SHQ1: variants seen among roughly 807,000 people sequenced by gnomAD.
SHQ1 encodes SHQ1, H/ACA ribonucleoprotein assembly factor.
A neutral mutation model predicts 53.8 loss-of-function variants in SHQ1; 49 were observed. The ratio of observed to expected loss-of-function variants is 0.91; its 90% CI spans 0.72 to 1.16. SHQ1 has a LOEUF of 1.16. Ranked by LOEUF, SHQ1 falls within the 50% of genes most tolerant of loss-of-function variation. The pLI, the probability that SHQ1 is intolerant of heterozygous loss-of-function variation, is 0.00. For synonymous variants in SHQ1, 243 were observed against 251.0 expected (o/e 0.97, Z 0.30); for missense variants, 738 against 683.1 (o/e 1.08, Z -0.90).
chr3:72,813,803 G>C (rs1468370222), intron 8 of SHQ1, among the ~76,000 whole-genome samples: 1 of 141,592 alleles, frequency 7.1e-6, no homozygotes, highest in Admixed American at 7.0e-5. Context: ...CTTTAGTAAA[G>C]TATGTTCAGT....
chr3:72,811,454 T>G (rs1707121176), intron 9 of SHQ1, among the ~76,000 whole-genome samples: 2 of 152,136 alleles, frequency 1.3e-5, no homozygotes, highest in Non-Finnish European at 2.9e-5. Flanking sequence ...AAATAACACA[T>G]GAAAAAACAA....
chr3:72,786,631 T>C (rs1380686735), intron 10 of SHQ1, among the ~76,000 whole-genome samples: 6 of 152,328 alleles, frequency 3.9e-5, no homozygotes, highest in East Asian at 1.9e-4. Flanking sequence ...TGTGTCCTCT[T>C]AGATGCTTCC....
At position 72,832,376 on chromosome 3, in the gene SHQ1, G is replaced by C. The variant is rs1487401013; in HGVS notation, c.592C>G (p.His198Asp). 5.6e-6 allele frequency: 9 copies of C among 1,607,134 alleles called. No individual in the cohort carries two copies. The highest frequency in any genetic ancestry group is 6.8e-6 in the Non-Finnish European group (8 of 1,175,886). ...AAAAATCTCATTACTCACAGATAATGATCAGGATCAAACTTGGCCAGCTCA... is the reference window on the plus strand; with the variant it reads ...AAAAATCTCATTACTCACAGATAATCATCAGGATCAAACTTGGCCAGCTCA... Reference protein sequence around the residue: ...AAELAKFDPDHYLADFFEDEA... With the variant: ...AAELAKFDPDDYLADFFEDEA... Residue 198 changes from histidine to aspartate, a missense_variant, in exon 5 of 11, where the codon CAT becomes GAT. Physicochemically the swap from His to Asp is moderately conservative, Grantham distance 81. Transcript: ENST00000325599.
At chr3:72,778,253 T>C (rs191669669) in intron 10 of SHQ1, among the ~76,000 whole-genome samples, 1 of 152,152 alleles carries the variant, frequency 6.6e-6, no homozygotes, top group Non-Finnish European at 1.5e-5. Flanking sequence ...TTGAGCCCAG[T>C]TGTTCAACCA....
At chr3:72,779,393 T>C (rs777046217) in intron 10 of SHQ1, among the ~76,000 whole-genome samples, 16 of 152,100 alleles carry the variant, frequency 1.1e-4, no homozygotes, top group Non-Finnish European at 2.2e-4. Flanking sequence ...GGATCCTCCT[T>C]CTCCTCCTAA....
intron 10 of SHQ1, chr3:72,773,430 A>G: frequency 2.4e-6 from 1 of 413,396 alleles, no homozygotes; most frequent in Non-Finnish European, 4.7e-6. Context: ...TGAAATCCCC[A>G]TCACCAAAAT....
chr3:72,744,065 G>T, the SHQ1 span, among the ~76,000 whole-genome samples: 1 of 152,184 alleles, frequency 6.6e-6, no homozygotes, highest in East Asian at 1.9e-4. Context: ...GCAATATTTT[G>T]TATTATGGGC....
At chr3:72,795,530 T>C (rs543313592) in intron 9 of SHQ1, 1 of 152,210 alleles carries the variant, frequency 6.6e-6, no homozygotes, top group African/African-American at 2.4e-5. Flanking sequence ...TAAGAATGTT[T>C]TGAAGTTTTA....
At chr3:72,801,010 T>A (rs747483351) in intron 9 of SHQ1, among the ~76,000 whole-genome samples, 1 of 152,206 alleles carries the variant, frequency 6.6e-6, no homozygotes, top group Non-Finnish European at 1.5e-5. Flanking sequence ...TTAAGTAACT[T>A]GTCAAAACAG....
chr3:72,792,213 C>T (rs1417175619), intron 10 of SHQ1, among the ~76,000 whole-genome samples: 2 of 152,166 alleles, frequency 1.3e-5, no homozygotes, highest in African/African-American at 4.8e-5. Context: ...CATGAATGCA[C>T]ATACATCTAC....
intron 10 of SHQ1, among the ~76,000 whole-genome samples, chr3:72,766,926 G>A (rs1035747032): frequency 6.6e-6 from 1 of 152,122 alleles, no homozygotes; most frequent in Non-Finnish European, 1.5e-5. Flanking sequence ...CATTCAGAAT[G>A]TCAGCTTGAC....
chr3:72,807,073 T>G (rs912918911), intron 9 of SHQ1, among the ~76,000 whole-genome samples: 2 of 152,154 alleles, frequency 1.3e-5, no homozygotes, highest in Non-Finnish European at 2.9e-5. Context: ...GTTGAACAAA[T>G]CAATGAATAA....
At chr3:72,747,647 G>A (rs1427810351), downstream of SHQ1, among the ~76,000 whole-genome samples, 3 of 152,144 alleles carry the variant, frequency 2.0e-5, no homozygotes, top group Non-Finnish European at 4.4e-5. Context: ...AGAGAACGCT[G>A]GATATCTGGA....
At chr3:72,830,913 T>C (rs531733173) in intron 5 of SHQ1, among the ~76,000 whole-genome samples, 15 of 152,344 alleles carry the variant, frequency 9.8e-5, no homozygotes, top group African/African-American at 3.1e-4. Flanking sequence ...GTTATTCTTC[T>C]AGTTTTAGAA....
rs747791672 is a variant in SHQ1 at position 72,842,331 on chromosome 3, G to A, written c.280C>T (p.Leu94Phe). The A allele has an allele frequency of 2.5e-6, 4 of 1,613,924 alleles. No individual in the cohort carries two copies. The highest frequency in any genetic ancestry group is 3.4e-6 in the Non-Finnish European group (4 of 1,179,884). Residue 94 changes from leucine (L) to phenylalanine (F), a missense_variant, in exon 3 of 11, where the codon CTT becomes TTT. Leu to Phe is a conservative substitution (Grantham distance 22). Coordinates refer to ENST00000325599, the MANE Select transcript of SHQ1 (RefSeq NM_018130.3). ...HFEGLNMLTA[L>F]LAPRKSRTAK... ...GTCCTGGATTTTCTTGGTGCCAGAA[G>A]AGCAGTTAACATGTTCAGCCCCTCA...
intron 9 of SHQ1, among the ~76,000 whole-genome samples, chr3:72,805,036 G>GTA (rs1706897234): frequency 6.6e-6 from 1 of 152,200 alleles, no homozygotes; most frequent in Non-Finnish European, 1.5e-5. Flanking sequence ...GGTATAGCCA[G>GTA]TATAGCATAT....
intron 10 of SHQ1, among the ~76,000 whole-genome samples, chr3:72,789,746 A>ATCCTTTAGAGGGGAAAGAG (rs1706379923): frequency 2.6e-5 from 4 of 152,208 alleles, no homozygotes; most frequent in African/African-American, 9.6e-5. Context: ...AAAGAGATAC[A>ATCCTTTAGAGGGGAAAGAG]CATCTAGATT....
chr3:72,831,412 T>C (rs1707815648), intron 5 of SHQ1, among the ~76,000 whole-genome samples: 1 of 152,210 alleles, frequency 6.6e-6, no homozygotes, highest in Admixed American at 6.5e-5. Flanking sequence ...TCTTTTCAAG[T>C]CTTGGCCAAG....
intron 10 of SHQ1, among the ~76,000 whole-genome samples, chr3:72,761,653 T>C (rs1284818397): frequency 6.6e-6 from 1 of 152,194 alleles, no homozygotes; most frequent in Non-Finnish European, 1.5e-5. Flanking sequence ...TTTCTAAGTA[T>C]TTCACATGGT....
Sources: gnomAD v4.1 joint callset for allele counts (sites outside exome capture counted in the v4.1 genomes callset) on GRCh38, gnomAD v4.1.1 for gene constraint, MANE v1.5 for transcripts, NCBI Gene and HGNC (gene_info 2026-07-23, HGNC 2026-07-21) for gene names.